APAF1: variants seen among roughly 807,000 people sequenced by gnomAD.
APAF1 encodes the protein apoptotic peptidase activating factor 1, also known as apoptotic protease-activating factor 1.
A neutral mutation model predicts 152.4 loss-of-function variants in APAF1; 91 were observed. The observed-to-expected ratio is 0.60, with a 90% CI of 0.50 to 0.71. The LOEUF is 0.71. Among genes scored for constraint, APAF1 ranks in the 30% least tolerant of loss-of-function variants. The pLI is 0.00. For synonymous variants in APAF1, 484 were observed against 494.1 expected, an observed-to-expected ratio of 0.98 and a Z score of 0.27; for missense variants, 1,283 against 1,472.0, an observed-to-expected ratio of 0.87 and a Z score of 2.10.
At chr12:98,698,553 A>T (rs529416924) in intron 16 of APAF1, among the ~76,000 whole-genome samples, 10 of 152,212 alleles carry the variant, frequency 6.6e-5, no homozygotes, top group Non-Finnish European at 1.5e-4. Flanking sequence ...CATGTTTCTT[A>T]GTATATATAA....
chr12:98,666,183 T>C lies in APAF1; in HGVS notation c.1195-7T>C. The C allele has an allele frequency of 1.2e-6, 2 of 1,613,164 alleles. No individual in the cohort carries two copies. Among genetic ancestry groups the C allele is most frequent in the Non-Finnish European group, 1.7e-6 (2 of 1,179,218 alleles). The stretch of plus-strand genomic sequence containing the variant: ...GTGGCATATTAAATACTTACAACAA[T>C]TCCTAGGTGTTATGTATTCTCTGGG... On this transcript the variant is annotated splice_region_variant and splice_polypyrimidine_tract_variant and intron_variant, in intron 8 of 26. Coordinates refer to ENST00000551964, the MANE Select transcript of APAF1 (RefSeq NM_181861.2).
chr12:98,668,713 A>C (rs573843831), intron 10 of APAF1, among the ~76,000 whole-genome samples: 38 of 152,316 alleles, frequency 2.5e-4, no homozygotes, highest in Middle Eastern at 3.4e-3. Context: ...AACGGAGTCC[A>C]TGAACTGAAA....
chr12:98,667,054 A>G (rs1387355933), intron 9 of APAF1, among the ~76,000 whole-genome samples: 1 of 151,322 alleles, frequency 6.6e-6, no homozygotes, highest in Non-Finnish European at 1.5e-5. Context: ...GGTATCTGCC[A>G]GGTTTCTGCA....
At chr12:98,654,208 C>T (rs1046352066) in intron 4 of APAF1, among the ~76,000 whole-genome samples, 1 of 152,092 alleles carries the variant, frequency 6.6e-6, no homozygotes, top group Non-Finnish European at 1.5e-5. Context: ...ATCAGATGGT[C>T]ATTTGGTCTG....
At chr12:98,676,323 C>T (rs563838198) in intron 12 of APAF1, among the ~76,000 whole-genome samples, 4 of 151,882 alleles carry the variant, frequency 2.6e-5, no homozygotes, top group Non-Finnish European at 2.9e-5. Context: ...GATTCTCATG[C>T]CTCAGCCTCC....
chr12:98,688,903 C>T (rs1406623238), intron 16 of APAF1, among the ~76,000 whole-genome samples: 1 of 151,878 alleles, frequency 6.6e-6, no homozygotes, highest in East Asian at 1.9e-4. Context: ...CAGTCTATCT[C>T]CTGGGCTTAG....
At chr12:98,700,970 T>G (rs1254948438) in intron 17 of APAF1, among the ~76,000 whole-genome samples, 1 of 152,184 alleles carries the variant, frequency 6.6e-6, no homozygotes, top group African/African-American at 2.4e-5. Flanking sequence ...TTCCATTGTA[T>G]GTATATATCA....
At chr12:98,698,456 A>G (rs1275294835) in intron 16 of APAF1, among the ~76,000 whole-genome samples, 2 of 152,226 alleles carry the variant, frequency 1.3e-5, no homozygotes, top group Non-Finnish European at 2.9e-5. Flanking sequence ...CTTTAGTATC[A>G]GGGAAGGCTG....
intron 22 of APAF1, among the ~76,000 whole-genome samples, chr12:98,717,361 C>CACACACAT (rs1280606149): frequency 6.6e-6 from 1 of 151,244 alleles, no homozygotes; most frequent in Non-Finnish European, 1.5e-5. Flanking sequence ...TATACACACA[C>CACACACAT]ACACACATAT....
chr12:98,725,371 T>C (rs370083452), intron 24 of APAF1, 44 bp from the exon 25 acceptor site: 168 of 1,612,896 alleles, frequency 1.0e-4, no homozygotes, highest in Middle Eastern at 3.5e-4. Flanking sequence ...GATGCTTATT[T>C]TGAGTGTTTA....
intron 16 of APAF1, among the ~76,000 whole-genome samples, chr12:98,689,654 C>A (rs927697686): frequency 6.6e-6 from 1 of 151,938 alleles, no homozygotes; most frequent in African/African-American, 2.4e-5. Context: ...AGAGATGGGG[C>A]CTCCCTGTGT....
chr12:98,726,594 G>A (rs1327527078), intron 25 of APAF1: 4 of 154,764 alleles, frequency 2.6e-5, no homozygotes, highest in Admixed American at 1.3e-4. Flanking sequence ...TCACATAAAT[G>A]TGTGTCAGCT....
intron 25 of APAF1, among the ~76,000 whole-genome samples, chr12:98,725,900 T>C (rs2097749767): frequency 6.6e-6 from 1 of 152,250 alleles, no homozygotes; most frequent in Admixed American, 6.5e-5. Flanking sequence ...TGGTCTGGAT[T>C]ATAAATGAAT....
intron 16 of APAF1, among the ~76,000 whole-genome samples, chr12:98,687,569 G>C (rs2097699326): frequency 6.6e-6 from 1 of 151,414 alleles, no homozygotes; most frequent in South Asian, 2.1e-4. Context: ...TTACAGTTCT[G>C]GGGGAGAGGG....
At chr12:98,715,349 T>A in intron 21 of APAF1, 78 bp from the exon 22 acceptor site, 1 of 1,425,918 alleles carries the variant, frequency 7.0e-7, no homozygotes, top group South Asian at 1.2e-5. Context: ...AGTCTAATTT[T>A]AGTTTAATAT....
At chr12:98,660,370 G>A (rs1190822833) in intron 5 of APAF1, among the ~76,000 whole-genome samples, 1 of 151,924 alleles carries the variant, frequency 6.6e-6, no homozygotes, top group African/African-American at 2.4e-5. Flanking sequence ...AGTCAGGAAG[G>A]ATTTTTAATG....
chr12:98,656,547 T>C (rs538228937), intron 4 of APAF1, among the ~76,000 whole-genome samples: 1 of 152,350 alleles, frequency 6.6e-6, no homozygotes, highest in East Asian at 1.9e-4. Flanking sequence ...TTTTAGACTT[T>C]CATGCAGTCA....
chr12:98,651,666 G>T (rs754952556), intron 4 of APAF1, among the ~76,000 whole-genome samples: 104 of 109,104 alleles, frequency 9.5e-4, no homozygotes, highest in African/African-American at 1.8e-3. Context: ...ATTTATTTTT[G>T]TTTTTTTTTA....
At chr12:98,668,611 A>C (rs77058764) in intron 10 of APAF1, among the ~76,000 whole-genome samples, 2 of 152,000 alleles carry the variant, frequency 1.3e-5, no homozygotes, top group Non-Finnish European at 2.9e-5. Context: ...AATCATCATG[A>C]TTTGCTTATG....
Sources: allele counts gnomAD v4.1 joint callset (sites outside exome capture counted in the v4.1 genomes callset), GRCh38; gene constraint gnomAD v4.1.1; transcripts MANE v1.5; gene names NCBI Gene and HGNC (gene_info 2026-07-23, HGNC 2026-07-21).